The following PTPRG variants were observed in gnomAD, a reference collection of about 807,000 sequenced individuals.
The protein encoded by PTPRG is receptor-type tyrosine-protein phosphatase gamma.
Under a neutral mutation model 165.3 loss-of-function variants are expected in PTPRG, and 102 were observed. The observed-to-expected ratio is 0.62, with a 90% CI of 0.53 to 0.73. PTPRG has a LOEUF of 0.73. PTPRG is among the 30% of genes least tolerant of loss of function. The pLI is 0.00. For synonymous variants in PTPRG, 675 were observed against 669.5 expected (o/e 1.01, Z -0.13); for missense variants, 1,866 against 1,861.4 (o/e 1.00, Z -0.05).
intron 2 of PTPRG, among the ~76,000 whole-genome samples, chr3:61,969,961 C>T (rs76632451): frequency 0.15 from 22,128 of 152,138 alleles, 1,889 homozygotes; most frequent in Middle Eastern, 0.18. Flanking sequence ...TAGATTAATA[C>T]GTTTCAAAAA....
In PTPRG at chr3:62,262,813, A is replaced by G; in HGVS notation, c.2575A>G (p.Thr859Ala). 1 of 1,613,552 alleles carries G rather than the reference A, an allele frequency of 6.2e-7. No individual in the cohort carries two copies. The highest frequency in any genetic ancestry group is 8.5e-7 in the Non-Finnish European group (1 of 1,179,586). Residue 859 changes from threonine to alanine, a missense_variant, in exon 17 of 30, where the codon ACT becomes GCT. Thr to Ala is a moderately conservative substitution (Grantham distance 58). Coordinates refer to ENST00000474889, the MANE Select transcript of PTPRG (RefSeq NM_002841.4). ...SEDFEEVQRC[T>A]ADMNITAEHS... ...TCTTCACTAGGAAGTCCAGCGCTGT[A>G]CTGCTGATATGAACATCACTGCAGA...
intron 28 of PTPRG, among the ~76,000 whole-genome samples, chr3:62,284,257 T>C (rs1240007869): frequency 2.6e-5 from 4 of 152,172 alleles, no homozygotes; most frequent in Non-Finnish European, 5.9e-5. Flanking sequence ...ACCAGTTAAA[T>C]ACTAAACAGA....
chr3:61,853,105 T>C (rs903539331), intron 2 of PTPRG, among the ~76,000 whole-genome samples: 1 of 152,198 alleles, frequency 6.6e-6, no homozygotes, highest in Non-Finnish European at 1.5e-5. Flanking sequence ...GGAGCTTACG[T>C]TCTACTGTGG....
intron 3 of PTPRG, among the ~76,000 whole-genome samples, chr3:61,997,524 G>A (rs1474132837): frequency 6.6e-6 from 1 of 152,030 alleles, no homozygotes; most frequent in Admixed American, 6.5e-5. Context: ...CCATCTTGTT[G>A]GCACTTCCCC....
chr3:61,742,209 G>A (rs2033018066), intron 1 of PTPRG, among the ~76,000 whole-genome samples: 5 of 151,962 alleles, frequency 3.3e-5, no homozygotes, highest in South Asian at 2.1e-4. Flanking sequence ...GAATCCTCCC[G>A]AAGACACAGT....
intron 2 of PTPRG, among the ~76,000 whole-genome samples, chr3:61,836,345 G>GTCC (rs766490604): frequency 1.9e-4 from 29 of 152,086 alleles, no homozygotes; most frequent in Non-Finnish European, 3.2e-4. Context: ...GTAGTACATA[G>GTCC]TAAGTGCTTG....
intron 2 of PTPRG, among the ~76,000 whole-genome samples, chr3:61,894,984 G>A (rs1275686443): frequency 6.6e-6 from 1 of 152,170 alleles, no homozygotes; most frequent in East Asian, 1.9e-4. Context: ...GTACATTGTG[G>A]AATGGTTAGC....
At chr3:62,030,907 A>C (rs1699749040) in intron 4 of PTPRG, among the ~76,000 whole-genome samples, 1 of 152,228 alleles carries the variant, frequency 6.6e-6, no homozygotes. Context: ...CAGATGCTTT[A>C]GATTTAGTCA....
intron 1 of PTPRG, among the ~76,000 whole-genome samples, chr3:61,686,493 A>G (rs558309725): frequency 2.5e-3 from 384 of 152,314 alleles, no homozygotes; most frequent in Non-Finnish European, 4.5e-3. Flanking sequence ...GGCCATGTCC[A>G]TCACAGTTAG....
chr3:62,113,574 T>C (rs1702747368), intron 5 of PTPRG, among the ~76,000 whole-genome samples: 1 of 152,190 alleles, frequency 6.6e-6, no homozygotes, highest in Non-Finnish European at 1.5e-5. Context: ...GTTTTCGAAA[T>C]GCAGATCACT....
chr3:61,762,960 A>G (rs2106976666), intron 2 of PTPRG, among the ~76,000 whole-genome samples: 1 of 152,116 alleles, frequency 6.6e-6, no homozygotes, highest in East Asian at 1.9e-4. Flanking sequence ...GATGTCAAAT[A>G]CTGAGTACAA....
chr3:62,162,386 G>C (rs1704801320), intron 7 of PTPRG, among the ~76,000 whole-genome samples: 1 of 152,184 alleles, frequency 6.6e-6, no homozygotes, highest in Non-Finnish European at 1.5e-5. Context: ...AAAAGTTTAA[G>C]AGTCAATTTA....
intron 14 of PTPRG, among the ~76,000 whole-genome samples, chr3:62,231,891 T>C (rs1700911874): frequency 6.6e-6 from 1 of 152,088 alleles, no homozygotes; most frequent in Non-Finnish European, 1.5e-5. Flanking sequence ...AAAATTATTG[T>C]CCTGGAAAGA....
At chr3:61,925,439 TCTC>T (rs1414131668) in intron 2 of PTPRG, among the ~76,000 whole-genome samples, 2 of 152,100 alleles carry the variant, frequency 1.3e-5, no homozygotes, top group African/African-American at 4.8e-5. Context: ...CCAGCAAACT[TCTC>T]CTTAAAAATC....
rs770126442 is a variant in PTPRG, at chr3:62,203,739, C to T, written c.1944C>T (p.His648=). Residue 648 remains histidine, a synonymous_variant, in exon 12 of 30, where the codon CAC becomes CAT. Coordinates refer to ENST00000474889, the MANE Select transcript of PTPRG (RefSeq NM_002841.4). This position sits in a 1 kb window ranked among gnomAD's most constrained non-coding sequence, Gnocchi z 6.4. The part of the protein sequence containing the change: ...HQTIPGHEQD[H]TAVPTDQTGG... The stretch of plus-strand genomic sequence containing the variant: ...CTATACCTGGGCATGAGCAGGATCA[C>T]ACTGCCGTCCCCACAGACCAGACGG... 6 of 1,599,900 alleles carry T rather than the reference C, an allele frequency of 3.8e-6. No individual in the cohort carries two copies. The highest frequency in any genetic ancestry group is 3.4e-5 in the South Asian group (3 of 89,098).
rs553741783 is a variant in PTPRG, at chr3:62,240,049, A to C, written c.2376-3758A>C. On this transcript the variant is annotated intron_variant, in intron 14 of 29. Transcript: ENST00000474889. This position sits in a 1 kb window ranked among gnomAD's most constrained non-coding sequence, Gnocchi z 5.1. ...AGAGTAGACCCCCCAATAGATAGTT[A>C]TTAAAGGAATAAATTAAATACCAGC... Among the ~76,000 whole-genome samples, 56 of 152,312 alleles carry C rather than the reference A, an allele frequency of 3.7e-4. No individual in the cohort carries two copies. In the South Asian group the frequency reaches 0.012, roughly 32 times the overall value.
intron 2 of PTPRG, among the ~76,000 whole-genome samples, chr3:61,755,396 C>G (rs747294893): frequency 2.0e-5 from 3 of 152,172 alleles, no homozygotes; most frequent in Non-Finnish European, 4.4e-5. Context: ...CTCAAAGGCT[C>G]CCTGTGCCTT....
intron 1 of PTPRG, among the ~76,000 whole-genome samples, chr3:61,588,051 C>G (rs1700477547): frequency 6.6e-6 from 1 of 151,842 alleles, no homozygotes; most frequent in Non-Finnish European, 1.5e-5. Context: ...AAAAAGTCTT[C>G]TTAAATTAGG....
rs762034027 is a variant in PTPRG at position 62,203,679 on chromosome 3, G to A, written c.1884G>A (p.Ser628=). 11 of 1,567,910 alleles carry A rather than the reference G, an allele frequency of 7.0e-6. No homozygotes were observed. Among genetic ancestry groups the A allele is most frequent in the African/African-American group, 2.7e-5 (2 of 74,132 alleles). Residue 628 remains serine, a synonymous_variant, in exon 12 of 30, where the codon TCG becomes TCA. Coordinates refer to ENST00000474889, the MANE Select transcript of PTPRG (RefSeq NM_002841.4). This position sits in a 1 kb window ranked among gnomAD's most constrained non-coding sequence, Gnocchi z 6.4. ...AGACGGAGCCCAGCCCCACACCCTC[G>A]TCTCCTAACAGGACTGCCGAGGGAG... ...RNQTEPSPTP[S]SPNRTAEGGH...
Sources: gnomAD v4.1 joint callset for allele counts (sites outside exome capture counted in the v4.1 genomes callset) on GRCh38, gnomAD v4.1.1 for gene constraint, Gnocchi (gnomAD v3.1) non-coding constraint, MANE v1.5 for transcripts, NCBI Gene and HGNC (gene_info 2026-07-23, HGNC 2026-07-21) for gene names.